FTO: variants seen among roughly 807,000 people sequenced by gnomAD.
FTO encodes FTO alpha-ketoglutarate dependent dioxygenase.
A neutral mutation model predicts 63.9 loss-of-function variants in FTO; 47 were observed. That is an observed-to-expected ratio of 0.74 (90% CI 0.58 to 0.94). The LOEUF (loss-of-function observed/expected upper bound fraction) is 0.94. FTO is among the 40% of genes least tolerant of loss of function. FTO has a pLI of 0.00. For synonymous variants in FTO, 207 were observed against 224.4 expected, an observed-to-expected ratio of 0.92 and a Z score of 0.69; for missense variants, 562 against 618.1, an observed-to-expected ratio of 0.91 and a Z score of 0.96.
chr16:53,968,992 A>G (rs1340636767), intron 8 of FTO, among the ~76,000 whole-genome samples: 4 of 152,188 alleles, frequency 2.6e-5, no homozygotes, highest in Admixed American at 6.5e-5. Flanking sequence ...GGCAAAAGTT[A>G]TTATTTTCCT....
At chr16:53,877,895 G>A (rs1441763492) in intron 5 of FTO, among the ~76,000 whole-genome samples, 2 of 152,070 alleles carry the variant, frequency 1.3e-5, no homozygotes, top group Non-Finnish European at 1.5e-5. Context: ...AGAAATTTAG[G>A]TTGTTTCTAA....
chr16:54,050,724 T>A (rs2085291407), intron 8 of FTO, among the ~76,000 whole-genome samples: 1 of 152,226 alleles, frequency 6.6e-6, no homozygotes, highest in Non-Finnish European at 1.5e-5. Flanking sequence ...TACTAGACAG[T>A]TGGCATGACC....
intron 8 of FTO, among the ~76,000 whole-genome samples, chr16:54,062,022 G>A (rs1002205876): frequency 1.2e-4 from 18 of 152,142 alleles, no homozygotes; most frequent in African/African-American, 4.3e-4. Flanking sequence ...CAAAATAAAG[G>A]AAAAGCAGAA....
intron 1 of FTO, among the ~76,000 whole-genome samples, chr16:53,713,863 C>G (rs569939333): frequency 6.6e-6 from 1 of 152,040 alleles, no homozygotes. Context: ...AACTTTATGC[C>G]GCTTGATTAG....
intron 1 of FTO, among the ~76,000 whole-genome samples, chr16:53,764,736 T>C (rs1364076918): frequency 1.3e-5 from 2 of 152,264 alleles, no homozygotes; most frequent in Admixed American, 1.3e-4. Context: ...TTAAATTTTT[T>C]TTTGAGACAC....
chr16:53,989,420 G>A (rs138864669), intron 8 of FTO, among the ~76,000 whole-genome samples: 2 of 152,282 alleles, frequency 1.3e-5, no homozygotes, highest in African/African-American at 2.4e-5. Flanking sequence ...GGGAGGGAGA[G>A]CACTGGAGGC....
chr16:53,757,585 G>C (rs2076953683), intron 1 of FTO, among the ~76,000 whole-genome samples: 1 of 151,416 alleles, frequency 6.6e-6, no homozygotes, highest in Admixed American at 6.6e-5. Context: ...TATATAATAT[G>C]TGCATATATA....
intron 1 of FTO, among the ~76,000 whole-genome samples, chr16:53,797,989 A>G (rs2078119781): frequency 1.3e-5 from 2 of 151,924 alleles, no homozygotes; most frequent in South Asian, 4.2e-4. Flanking sequence ...TAATTTTGAG[A>G]TATTTTTGTG....
chr16:53,806,194 T>C (rs752550344), intron 1 of FTO, among the ~76,000 whole-genome samples: 8 of 152,190 alleles, frequency 5.3e-5, no homozygotes, highest in Non-Finnish European at 1.0e-4. Context: ...AAATACTTCA[T>C]TGTACATGGA....
rs2086986955 is a variant in FTO at position 54,118,511 on chromosome 16, C to G, written c.*6596C>G. On this transcript the variant is annotated 3_prime_UTR_variant, in exon 9 of 9. Coordinates refer to ENST00000471389, the MANE Select transcript of FTO (RefSeq NM_001080432.3). ...AGTAGTCGGGATCATAGGCACTTGC[C>G]ACCACATCCGGCTAATTTTTTTGTA... The G allele has an allele frequency of 1.3e-5, 2 of 152,138 alleles. No individual in the cohort carries two copies. Among genetic ancestry groups the G allele is most frequent in the African/African-American group, 4.8e-5 (2 of 41,396 alleles). 9.4% of individuals were successfully genotyped at this position (152,138 alleles called of 1,614,324 possible).
rs565444778 is a variant in FTO, at chr16:53,914,667, G to A, written c.1240-19318G>A. Among the ~76,000 whole-genome samples, 11 of 152,244 alleles carry A rather than the reference G, an allele frequency of 7.2e-5. No individual in the cohort carries two copies. In the South Asian group the frequency reaches 8.3e-4, roughly 11 times the overall value. On this transcript the variant is annotated intron_variant, in intron 7 of 8. Transcript: ENST00000471389. Reference sequence around the variant, plus strand: ...TTTGTGTTTAAGGATAGGTATTCCCGTGTGGAAGGACGGCCATGGCGAATG... The same window carrying A: ...TTTGTGTTTAAGGATAGGTATTCCCATGTGGAAGGACGGCCATGGCGAATG...
chr16:53,750,413 A>AT (rs1359818865), intron 1 of FTO, among the ~76,000 whole-genome samples: 1 of 151,796 alleles, frequency 6.6e-6, no homozygotes. Flanking sequence ...AATTTTTTGT[A>AT]TTTTTAGTAG....
Position 53,789,879 on chromosome 16 carries a change from T to TTA in FTO, c.46-20254_46-20253dup, listed in dbSNP as rs10678219. On this transcript the variant is annotated intron_variant, in intron 1 of 8. Coordinates refer to ENST00000471389, the MANE Select transcript of FTO (RefSeq NM_001080432.3). ...ATAAATGTATGTATATATATACAAA[T>TTA]TATATATACATATACGTATATATAT... Among the ~76,000 whole-genome samples the TTA allele has an allele frequency of 8.1e-4, 14 of 17,178 alleles. No homozygotes were observed. The African/African-American group carries it at 8.8e-3, about 11-fold the overall frequency. 11.3% of individuals were successfully genotyped at this position (17,178 alleles called of 152,430 possible).
At chr16:53,727,756 G>A (rs1355274319) in intron 1 of FTO, among the ~76,000 whole-genome samples, 1 of 152,180 alleles carries the variant, frequency 6.6e-6, no homozygotes, top group Non-Finnish European at 1.5e-5. Flanking sequence ...GTGTCACTGT[G>A]TGTAAGTCAC....
At chr16:53,705,352 C>A (rs941292027) in intron 1 of FTO, among the ~76,000 whole-genome samples, 8 of 152,218 alleles carry the variant, frequency 5.3e-5, no homozygotes, top group Admixed American at 3.3e-4. Flanking sequence ...CCTGCTTTCA[C>A]AACCCCATTG....
intron 8 of FTO, chr16:53,937,693 C>G (rs910555721): frequency 6.4e-6 from 1 of 156,134 alleles, no homozygotes; most frequent in Non-Finnish European, 1.4e-5. Flanking sequence ...TTTTCTCCCC[C>G]TCTTTCCCTA....
intron 8 of FTO, among the ~76,000 whole-genome samples, chr16:53,969,522 T>C (rs1490862266): frequency 6.6e-6 from 1 of 152,190 alleles, no homozygotes; most frequent in Non-Finnish European, 1.5e-5. Flanking sequence ...TGTAAGTAAA[T>C]GAACATAATA....
chr16:53,749,226 G>A (rs1194349658), intron 1 of FTO, among the ~76,000 whole-genome samples: 3 of 152,100 alleles, frequency 2.0e-5, no homozygotes, highest in Non-Finnish European at 2.9e-5. Flanking sequence ...AATTTGTAGG[G>A]TTTTTAATAT....
intron 8 of FTO, among the ~76,000 whole-genome samples, chr16:53,934,614 A>G (rs1361487268): frequency 6.6e-6 from 1 of 152,146 alleles, no homozygotes; most frequent in Non-Finnish European, 1.5e-5. Context: ...GACATAGCCT[A>G]CTATACACCT....
Sources: gnomAD v4.1 joint callset for allele counts (sites outside exome capture counted in the v4.1 genomes callset) on GRCh38, gnomAD v4.1.1 for gene constraint, MANE v1.5 for transcripts, NCBI Gene and HGNC (gene_info 2026-07-23, HGNC 2026-07-21) for gene names.